Variants in FRMD3 observed in about 807,000 individuals in gnomAD.
FRMD3 encodes FERM domain-containing protein 3.
In FRMD3, 33 loss-of-function variants were observed where a neutral mutation model predicts 70.2. The ratio of observed to expected loss-of-function variants is 0.47; its 90% CI spans 0.36 to 0.63. The LOEUF (loss-of-function observed/expected upper bound fraction) is 0.63, where lower values mean the gene tolerates loss of function less well. FRMD3 is among the 20% of genes least tolerant of loss of function. FRMD3 has a pLI of 0.00. For synonymous variants in FRMD3, 279 were observed against 255.9 expected, an observed-to-expected ratio of 1.09 and a Z score of -0.86; for missense variants, 632 against 711.4, an observed-to-expected ratio of 0.89 and a Z score of 1.27.
intron 1 of FRMD3, among the ~76,000 whole-genome samples, chr9:83,419,449 A>T (rs576518077): frequency 0.014 from 2,112 of 148,584 alleles, 88 homozygotes; most frequent in African/African-American, 0.049. Flanking sequence ...GCTGTGAGAG[A>T]GTGTGTGTGT....
At chr9:83,424,521 T>A (rs12005369) in intron 1 of FRMD3, among the ~76,000 whole-genome samples, 17,681 of 152,264 alleles carry the variant, frequency 0.12, 1,117 homozygotes, top group South Asian at 0.15. Flanking sequence ...CACAATGGTA[T>A]CTTAAAGAGA....
rs1832030089 is a variant in FRMD3 at position 83,245,136 on chromosome 9, C to T, written c.*2782G>A. On this transcript the variant is annotated 3_prime_UTR_variant, in exon 14 of 14. Coordinates refer to ENST00000304195, the MANE Select transcript of FRMD3 (RefSeq NM_174938.6). ...TTCCTCAATTAGGGCAAAATAAGCA[C>T]AATTATGCATGAGGGGCATATATGT... 2.0e-6 allele frequency: 2 copies of T among 985,162 alleles called. No individual in the cohort carries two copies. The highest frequency in any genetic ancestry group is 2.4e-6 in the Non-Finnish European group (2 of 829,798). 61.0% of individuals were successfully genotyped at this position (985,162 alleles called of 1,614,324 possible).
At chr9:83,361,360 G>T (rs973644769) in intron 3 of FRMD3, among the ~76,000 whole-genome samples, 2 of 152,234 alleles carry the variant, frequency 1.3e-5, no homozygotes, top group Admixed American at 1.3e-4. Context: ...AACAGGTGAA[G>T]AAATTTTCCA....
In FRMD3 at chr9:83,407,837, GTCTCTCTCTC is replaced by G. The variant is rs761983764; in HGVS notation, c.148-18139_148-18130del. Among the ~76,000 whole-genome samples, 20 of 103,654 alleles carry G rather than the reference GTCTCTCTCTC, an allele frequency of 1.9e-4. No homozygotes were observed. The Middle Eastern group carries it at 0.016, about 83-fold the overall frequency. The allele number at this position is 103,654 out of a possible 152,430, so 68.0% of individuals were successfully genotyped here. On this transcript the variant is annotated intron_variant, in intron 1 of 13. Transcript: ENST00000304195. ...GCCAGCAGAGGAGGGGGGTTGTTGAGTCTCTCTCTCTCTCTCTCTCTCTCTCTCTCTCTCT... is the reference window on the plus strand; with the variant it reads ...GCCAGCAGAGGAGGGGGGTTGTTGAGTCTCTCTCTCTCTCTCTCTCTCTCT...
chr9:83,453,757 A>G (rs12682903), intron 1 of FRMD3, among the ~76,000 whole-genome samples: 32,680 of 137,852 alleles, frequency 0.24, 3,789 homozygotes, highest in Non-Finnish European at 0.27. Context: ...ACTTTGTCAC[A>G]CAGGCTAGAG....
chr9:83,311,399 C>T (rs1454875857), intron 8 of FRMD3, among the ~76,000 whole-genome samples: 1 of 152,102 alleles, frequency 6.6e-6, no homozygotes, highest in Non-Finnish European at 1.5e-5. Flanking sequence ...GCTGATTAGT[C>T]CTCTTATTTG....
At chr9:83,569,211 G>C in the FRMD3 span, among the ~76,000 whole-genome samples, 1 of 152,184 alleles carries the variant, frequency 6.6e-6, no homozygotes, top group Non-Finnish European at 1.5e-5. Context: ...AGATATCTGT[G>C]CTCAGGTACG....
At position 83,246,569 on chromosome 9, in the gene FRMD3, A is replaced by G. The variant is rs1017606860; in HGVS notation, c.*1349T>C. 4 of 985,020 alleles carry G rather than the reference A, an allele frequency of 4.1e-6. No individual in the cohort carries two copies. The African/African-American group carries it at 7.0e-5, about 17-fold the overall frequency. The allele number at this position is 985,020 out of a possible 1,614,324, so 61.0% of individuals were successfully genotyped here. A position where few individuals can be genotyped will look rare whatever the true frequency, so the allele number is the denominator to read the frequency against. On this transcript the variant is annotated 3_prime_UTR_variant, in exon 14 of 14. Transcript: ENST00000304195. The stretch of plus-strand genomic sequence containing the variant: ...CTCTATGGAAGTCAAATTTTAAAAC[A>G]ACTGGGAAAGGAAAGGAGTATAATG...
intron 3 of FRMD3, among the ~76,000 whole-genome samples, chr9:83,367,482 G>T (rs1824826865): frequency 3.9e-5 from 6 of 152,150 alleles, no homozygotes; most frequent in Admixed American, 3.9e-4. Flanking sequence ...GCAAGCAGAT[G>T]GGAAAAGAAG....
At chr9:83,581,121 A>T in the FRMD3 span, among the ~76,000 whole-genome samples, 1 of 151,366 alleles carries the variant, frequency 6.6e-6, no homozygotes. Flanking sequence ...AAATAAAATA[A>T]ATTTTAAAAT....
chr9:83,432,042 T>C (rs1011683555), intron 1 of FRMD3, among the ~76,000 whole-genome samples: 36 of 152,278 alleles, frequency 2.4e-4, no homozygotes, highest in Admixed American at 2.0e-4. Context: ...CCAATATTTA[T>C]TAACTAAACT....
At chr9:83,480,603 C>G (rs1180566967) in intron 1 of FRMD3, among the ~76,000 whole-genome samples, 1 of 150,930 alleles carries the variant, frequency 6.6e-6, no homozygotes, top group Non-Finnish European at 1.5e-5. Flanking sequence ...TCAAGTGATT[C>G]TCCTGCCTCA....
At chr9:83,360,862 G>A (rs1460474500) in intron 3 of FRMD3, among the ~76,000 whole-genome samples, 1 of 152,162 alleles carries the variant, frequency 6.6e-6, no homozygotes, top group East Asian at 1.9e-4. Flanking sequence ...TATTGTTACT[G>A]TCCTCTCCTT....
chr9:83,272,623 GCGCC>G (rs1563986819), intron 13 of FRMD3, among the ~76,000 whole-genome samples: 3 of 98,534 alleles, frequency 3.0e-5, no homozygotes, highest in African/African-American at 1.6e-4. Context: ...GAAGTGAGGA[GCGCC>G]TCTGCCCGGC....
intron 4 of FRMD3, among the ~76,000 whole-genome samples, chr9:83,344,725 A>G (rs1217581520): frequency 6.6e-6 from 1 of 152,130 alleles, no homozygotes; most frequent in African/African-American, 2.4e-5. Context: ...TACAGACAGC[A>G]GATCATGGAA....
chr9:83,388,506 G>C (rs1825574210), intron 2 of FRMD3, among the ~76,000 whole-genome samples: 1 of 152,172 alleles, frequency 6.6e-6, no homozygotes, highest in Non-Finnish European at 1.5e-5. Flanking sequence ...CCATGGCTGG[G>C]ACCCACCCCA....
At chr9:83,452,678 T>A (rs1175813055) in intron 1 of FRMD3, among the ~76,000 whole-genome samples, 1 of 151,910 alleles carries the variant, frequency 6.6e-6, no homozygotes, top group Non-Finnish European at 1.5e-5. Context: ...GAGACGGGGT[T>A]TCACCGTGTT....
At chr9:83,432,556 T>G (rs1026250474) in intron 1 of FRMD3, among the ~76,000 whole-genome samples, 1 of 152,204 alleles carries the variant, frequency 6.6e-6, no homozygotes, top group East Asian at 1.9e-4. Context: ...ACAGAAAATG[T>G]CACCACTGCC....
intron 1 of FRMD3, among the ~76,000 whole-genome samples, chr9:83,395,530 T>A (rs1426409229): frequency 2.0e-5 from 3 of 152,146 alleles, no homozygotes; most frequent in African/African-American, 7.2e-5. Context: ...CCCCTCTTTG[T>A]GTCCATGTGT....
Sources: gnomAD v4.1 joint callset for allele counts (sites outside exome capture counted in the v4.1 genomes callset) on GRCh38, gnomAD v4.1.1 for gene constraint, MANE v1.5 for transcripts, NCBI Gene and HGNC (gene_info 2026-07-23, HGNC 2026-07-21) for gene names.